The following LRRC56 variants were observed in gnomAD, a reference collection of about 807,000 sequenced individuals.
LRRC56 encodes leucine-rich repeat-containing protein 56.
A neutral mutation model predicts 47.8 loss-of-function variants in LRRC56; 41 were observed. The ratio of observed to expected loss-of-function variants is 0.86; its 90% CI spans 0.67 to 1.11. LRRC56 has a LOEUF of 1.11. Among genes scored for constraint, LRRC56 ranks in the 50% most tolerant of loss-of-function variants. The probability of loss-of-function intolerance (pLI) is 0.00; values close to 1 mark genes in which losing one functional copy is unlikely to be tolerated. For missense variants in LRRC56, 759 were observed against 704.2 expected, an observed-to-expected ratio of 1.08 and a Z score of -0.88; for synonymous variants, 387 against 311.2, an observed-to-expected ratio of 1.24 and a Z score of -2.56.
chr11:514,178 G>T, the LRRC56 span, among the ~76,000 whole-genome samples: 4 of 151,444 alleles, frequency 2.6e-5, no homozygotes, highest in Admixed American at 2.0e-4. Flanking sequence ...ATTTTTAGTA[G>T]AGACGGGGTT....
upstream of LRRC56, chr11:533,286 G>T: frequency 6.3e-7 from 1 of 1,593,880 alleles, no homozygotes. Flanking sequence ...CAGCGCGAGG[G>T]GCCGCTGGGT....
chr11:551,982 G>A lies in LRRC56; in HGVS notation c.1038+15G>A, dbSNP rs201964544. The A allele has an allele frequency of 1.9e-5, 30 of 1,612,380 alleles. No homozygotes were observed. The highest frequency in any genetic ancestry group is 1.7e-4 in the Middle Eastern group (1 of 6,052). ...ACCAGTGCCAGGTACAGCCCACAGG[G>A]ACCAGCCCCCCACGAGAACCAGTGT... On this transcript the variant is annotated intron_variant, in intron 11 of 13. Coordinates refer to ENST00000270115, the MANE Select transcript of LRRC56 (RefSeq NM_198075.4).
At chr11:522,397 T>C in the LRRC56 span, among the ~76,000 whole-genome samples, 6 of 151,460 alleles carry the variant, frequency 4.0e-5, no homozygotes, top group East Asian at 9.8e-4. Flanking sequence ...TCCCAAGTAG[T>C]TGGGACTACA....
chr11:521,458 A>G, the LRRC56 span, among the ~76,000 whole-genome samples: 219 of 152,140 alleles, frequency 1.4e-3, 2 homozygotes, highest in East Asian at 0.038. Context: ...ACAAGCACAC[A>G]CCACTGTGCC....
chr11:508,957 AC>A, the LRRC56 span, among the ~76,000 whole-genome samples: 5 of 152,186 alleles, frequency 3.3e-5, no homozygotes, highest in East Asian at 9.6e-4. Context: ...AGGCAGGAGA[AC>A]CACTTGAACC....
upstream of LRRC56, chr11:532,671 G>A (rs1201430199): frequency 9.9e-6 from 16 of 1,612,904 alleles, no homozygotes; most frequent in African/African-American, 1.3e-5. Flanking sequence ...ATGCAGCCGG[G>A]GCCACTCTCA....
chr11:548,109 G>A (rs943608930), intron 6 of LRRC56, among the ~76,000 whole-genome samples: 1 of 151,808 alleles, frequency 6.6e-6, no homozygotes, highest in South Asian at 2.1e-4. Context: ...CTGAGTGACA[G>A]AGACTCCATC....
rs763998118 is a variant in LRRC56, at chr11:554,382, G to A, written c.*106G>A. The A allele has an allele frequency of 2.0e-4, 209 of 1,046,736 alleles. No homozygotes were observed. The highest frequency in any genetic ancestry group is 2.6e-4 in the Non-Finnish European group (200 of 779,788). 64.8% of individuals were successfully genotyped at this position (1,046,736 alleles called of 1,614,324 possible). ...GCGGGTGTGTTGGGGGGTGGAAGGA[G>A]TGCCTGGCCCTGGGGAGGACCCTCT... On this transcript the variant is annotated 3_prime_UTR_variant, in exon 14 of 14. Transcript: ENST00000270115.
At chr11:533,870 C>T (rs2133990958), upstream of LRRC56, 2 of 1,613,350 alleles carry the variant, frequency 1.2e-6, no homozygotes, top group Non-Finnish European at 1.7e-6. Context: ...CGCTGTACTC[C>T]TCCTGGCCGG....
chr11:512,930 C>T, the LRRC56 span, among the ~76,000 whole-genome samples: 1 of 152,152 alleles, frequency 6.6e-6, no homozygotes. Context: ...AGTTACTACC[C>T]CTTTCCATGG....
upstream of LRRC56, chr11:535,289 C>CCCGCCG (rs113931482): frequency 1.1e-3 from 162 of 141,298 alleles, no homozygotes; most frequent in Middle Eastern, 7.2e-3. Flanking sequence ...GCCCCACCCA[C>CCCGCCG]CCGCCGCCGC....
chr11:537,341 C>G (rs922058671), upstream of LRRC56: 1 of 152,260 alleles, frequency 6.6e-6, no homozygotes, highest in Non-Finnish European at 1.5e-5. Flanking sequence ...TCGCCCGCAG[C>G]AGGGGCGCCC....
intron 5 of LRRC56, 42 bp from the exon 6 acceptor site, chr11:544,678 G>T (rs959244783): frequency 3.1e-6 from 5 of 1,603,620 alleles, no homozygotes; most frequent in Non-Finnish European, 4.3e-6. Flanking sequence ...AGGTGGGCGG[G>T]GTGAGGGGCC....
At chr11:546,143 GCCTGTAA>G (rs2134043546) in intron 6 of LRRC56, among the ~76,000 whole-genome samples, 1 of 152,282 alleles carries the variant, frequency 6.6e-6, no homozygotes, top group African/African-American at 2.4e-5. Flanking sequence ...GGTGGCACAT[GCCTGTAA>G]CCCCAGCTGC....
the LRRC56 span, among the ~76,000 whole-genome samples, chr11:525,815 A>C: frequency 6.6e-6 from 1 of 151,754 alleles, no homozygotes; most frequent in Non-Finnish European, 1.5e-5. Context: ...CAGAAGGATC[A>C]CTTAAGCCAG....
At chr11:512,603 C>T in the LRRC56 span, among the ~76,000 whole-genome samples, 1 of 152,164 alleles carries the variant, frequency 6.6e-6, no homozygotes, top group African/African-American at 2.4e-5. Flanking sequence ...GATGGAACAG[C>T]GTGTACAAAG....
chr11:525,410 C>G, the LRRC56 span, among the ~76,000 whole-genome samples: 151,181 of 152,166 alleles, frequency 0.99, 75,102 homozygotes, highest in Middle Eastern at 1. Flanking sequence ...GTGGTGGCGG[C>G]CGCCTGTAGT....
intron 1 of LRRC56, among the ~76,000 whole-genome samples, chr11:538,140 G>A (rs1164101058): frequency 6.6e-6 from 1 of 152,160 alleles, no homozygotes; most frequent in Non-Finnish European, 1.5e-5. Context: ...TCTGAGGTGG[G>A]AGTTCAATGG....
chr11:535,839 C>T (rs188380559), upstream of LRRC56, among the ~76,000 whole-genome samples: 82 of 152,044 alleles, frequency 5.4e-4, no homozygotes, highest in African/African-American at 1.8e-3. Flanking sequence ...GGGGCGGCAT[C>T]TCCGAGCAGG....
Sources: gnomAD v4.1 joint callset for allele counts (sites outside exome capture counted in the v4.1 genomes callset) on GRCh38, gnomAD v4.1.1 for gene constraint, MANE v1.5 for transcripts, NCBI Gene and HGNC (gene_info 2026-07-23, HGNC 2026-07-21) for gene names.